The following ALG6 variants were observed in gnomAD, a reference collection of about 807,000 sequenced individuals.
The protein encoded by ALG6 is ALG6 alpha-1,3-glucosyltransferase, also known as dolichyl pyrophosphate Man9GlcNAc2 alpha-1,3-glucosyltransferase.
A neutral mutation model predicts 66.6 loss-of-function variants in ALG6; 46 were observed. That is an observed-to-expected ratio of 0.69 (90% CI 0.55 to 0.88). The LOEUF is 0.88. Ranked by LOEUF, ALG6 falls within the 40% of genes least tolerant of loss-of-function variation. The pLI is 0.00. For missense variants in ALG6, 505 were observed against 586.8 expected (o/e 0.86, Z 1.44); for synonymous variants, 185 against 203.7 (o/e 0.91, Z 0.78).
At chr1:63,422,238 T>TATCTATATG (rs1304712406) in intron 12 of ALG6, among the ~76,000 whole-genome samples, 2 of 73,890 alleles carry the variant, frequency 2.7e-5, no homozygotes, top group African/African-American at 6.3e-5. Context: ...TATAAATATA[T>TATCTATATG]ATATAAATAT....
intron 2 of ALG6, among the ~76,000 whole-genome samples, chr1:63,377,092 G>A (rs1261305092): frequency 1.3e-5 from 2 of 152,042 alleles, no homozygotes; most frequent in African/African-American, 2.4e-5. Flanking sequence ...CTCCCTAGTG[G>A]CTGGGATTAC....
At chr1:63,404,402 T>A in intron 4 of ALG6, 51 bp from the exon 5 acceptor site, 1 of 1,388,400 alleles carries the variant, frequency 7.2e-7, no homozygotes, top group Non-Finnish European at 1.0e-6. Flanking sequence ...ATATCTTTAT[T>A]GCTAAAAGGG....
chr1:63,414,321 G>A (rs976565227), intron 10 of ALG6, among the ~76,000 whole-genome samples, 175 bp downstream of exon 10: 3 of 151,036 alleles, frequency 2.0e-5, no homozygotes, highest in African/African-American at 7.3e-5. Context: ...GCTTGAGCTC[G>A]GCTCACTGCA....
At chr1:63,381,446 C>T (rs1332964322) in intron 2 of ALG6, among the ~76,000 whole-genome samples, 5 of 151,946 alleles carry the variant, frequency 3.3e-5, no homozygotes, top group South Asian at 2.1e-4. Flanking sequence ...AGAGCGAGAC[C>T]GTCTCAAAAG....
chr1:63,428,867 T>A, intron 13 of ALG6, 61 bp from the exon 14 acceptor site: 21 of 1,587,734 alleles, frequency 1.3e-5, no homozygotes, highest in Non-Finnish European at 1.7e-5. Context: ...AACTTTTTTA[T>A]GAAGTGGTTA....
In ALG6 at chr1:63,423,779, T is replaced by C. The variant is rs149102823; in HGVS notation, c.1058+4339T>C. On this transcript the variant is annotated intron_variant, in intron 12 of 14. Coordinates refer to ENST00000263440, the MANE Select transcript of ALG6 (RefSeq NM_013339.4). ...GGTTGTTACCATGTTTTGGCTGTTG[T>C]GAATAGTGCCACTGTGAATATTCAT... Among the ~76,000 whole-genome samples the C allele has an allele frequency of 4.0e-3, 610 of 152,348 alleles. 2 individuals are homozygous for C. The highest frequency in any genetic ancestry group is 6.2e-3 in the Non-Finnish European group (425 of 68,026).
intron 12 of ALG6, 143 bp from the exon 13 acceptor site, chr1:63,428,590 T>A (rs767945459): frequency 4.8e-6 from 3 of 619,420 alleles, no homozygotes; most frequent in Non-Finnish European, 8.2e-6. Context: ...ACAAAATGAA[T>A]CAGTAGTCCA....
chr1:63,421,455 A>C (rs1269201984), intron 12 of ALG6, among the ~76,000 whole-genome samples: 1 of 152,222 alleles, frequency 6.6e-6, no homozygotes, highest in Non-Finnish European at 1.5e-5. Flanking sequence ...CATTTGACCC[A>C]GCAATCCCAT....
intron 2 of ALG6, among the ~76,000 whole-genome samples, chr1:63,392,315 C>G (rs983302948): frequency 3.3e-5 from 5 of 152,116 alleles, no homozygotes; most frequent in African/African-American, 9.7e-5. Flanking sequence ...GGATTACAGG[C>G]ATGTGCCACC....
intron 2 of ALG6, among the ~76,000 whole-genome samples, chr1:63,386,611 A>G (rs1648511122): frequency 6.6e-6 from 1 of 152,152 alleles, no homozygotes; most frequent in Non-Finnish European, 1.5e-5. Flanking sequence ...ATAATTGCTC[A>G]TAGTAGTCTC....
chr1:63,423,161 C>A (rs896035234), intron 12 of ALG6, among the ~76,000 whole-genome samples: 2 of 151,448 alleles, frequency 1.3e-5, no homozygotes, highest in African/African-American at 4.9e-5. Context: ...GTAGCTGGGA[C>A]TACAGACGCA....
intron 2 of ALG6, 52 bp from the exon 3 acceptor site, chr1:63,396,461 A>G: frequency 1.4e-6 from 2 of 1,446,474 alleles, no homozygotes; most frequent in East Asian, 2.3e-5. Context: ...AATAAAAATC[A>G]CTGATATGCT....
intron 2 of ALG6, among the ~76,000 whole-genome samples, chr1:63,388,056 A>G (rs1013103141): frequency 1.3e-5 from 2 of 152,186 alleles, no homozygotes; most frequent in Admixed American, 6.5e-5. Flanking sequence ...AGCTGTGATT[A>G]CAGGTGCACG....
chr1:63,406,877 C>T (rs1396298035), intron 6 of ALG6, among the ~76,000 whole-genome samples, 185 bp from the exon 7 acceptor site: 1 of 151,982 alleles, frequency 6.6e-6, no homozygotes, highest in Non-Finnish European at 1.5e-5. Context: ...TGTCCAATGT[C>T]ACCTTCATGA....
intron 2 of ALG6, among the ~76,000 whole-genome samples, chr1:63,383,338 T>G (rs1464237349): frequency 6.6e-6 from 1 of 151,284 alleles, no homozygotes; most frequent in Non-Finnish European, 1.5e-5. Context: ...TTGTCCAGGC[T>G]GGTCTTGAAC....
chr1:63,428,174 C>T (rs1204203761), intron 12 of ALG6: 2 of 153,130 alleles, frequency 1.3e-5, no homozygotes, highest in East Asian at 3.8e-4. Context: ...TGTTCCTATA[C>T]TATTTCCCTT....
chr1:63,413,107 C>T (rs566664908), intron 9 of ALG6, among the ~76,000 whole-genome samples: 4 of 152,210 alleles, frequency 2.6e-5, no homozygotes, highest in East Asian at 3.9e-4. Context: ...TTTATTTGAT[C>T]TTTACAGTAG....
chr1:63,428,750 TA>T lies in ALG6; in HGVS notation c.1078del (p.Ser360ValfsTer23). The T allele has an allele frequency of 6.2e-7, 1 of 1,608,238 alleles. No individual in the cohort carries two copies. The highest frequency in any genetic ancestry group is 1.7e-5 in the Admixed American group (1 of 59,882). On this transcript the variant is annotated frameshift_variant, in exon 13 of 15. Coordinates refer to ENST00000263440, the MANE Select transcript of ALG6 (RefSeq NM_013339.4). LOFTEE classifies it high-confidence loss of function. Reference protein sequence around the residue: ...LLVSLPVCLVLSEIPFMSTWF... With the variant: ...LLVSLPVCLVXSEIPFMSTWF... The stretch of plus-strand genomic sequence containing the variant: ...GATTTTAGACCAGTCTGCTTAGTTT[TA>T]AGTGAAATTCCTTTTATGTCTACTT...
At chr1:63,401,497 C>T (rs899699337) in intron 3 of ALG6, among the ~76,000 whole-genome samples, 1 of 151,660 alleles carries the variant, frequency 6.6e-6, no homozygotes, top group African/African-American at 2.4e-5. Flanking sequence ...GAAACCCCGT[C>T]TCTACTAAAA....
Sources: gnomAD v4.1 joint callset for allele counts (sites outside exome capture counted in the v4.1 genomes callset) on GRCh38, gnomAD v4.1.1 for gene constraint, MANE v1.5 for transcripts, NCBI Gene and HGNC (gene_info 2026-07-23, HGNC 2026-07-21) for gene names.